HERPUD2: variants seen among roughly 807,000 people sequenced by gnomAD.
The protein encoded by HERPUD2 is HERPUD family member 2.
A neutral mutation model predicts 49.9 loss-of-function variants in HERPUD2; 13 were observed. The ratio of observed to expected loss-of-function variants is 0.26; its 90% CI spans 0.17 to 0.41. The LOEUF is 0.41. HERPUD2 is among the 10% of genes least tolerant of loss of function. The pLI is 1.00. For missense variants in HERPUD2, 449 were observed against 492.2 expected (o/e 0.91, Z 0.83); for synonymous variants, 172 against 171.4 (o/e 1.00, Z -0.03).
rs1453993186 is a variant in HERPUD2, at chr7:35,638,200, T to C, written c.617+150A>G. On this transcript the variant is annotated intron_variant, in intron 6 of 8. Transcript: ENST00000311350. ...AGGAGCCAAGGGCAGGGTTAGTTCATGTGAACTGGAGGTGAACCCTTTTTC... is the reference window on the plus strand; with the variant it reads ...AGGAGCCAAGGGCAGGGTTAGTTCACGTGAACTGGAGGTGAACCCTTTTTC... 4 of 576,486 alleles carry C rather than the reference T, an allele frequency of 6.9e-6. No homozygotes were observed. In the East Asian group the frequency reaches 9.3e-5, roughly 13 times the overall value. 35.7% of individuals were successfully genotyped at this position (576,486 alleles called of 1,614,324 possible).
At chr7:35,648,275 A>G (rs911589429) in intron 5 of HERPUD2, among the ~76,000 whole-genome samples, 1 of 152,228 alleles carries the variant, frequency 6.6e-6, no homozygotes, top group African/African-American at 2.4e-5. Flanking sequence ...GATTATGGTA[A>G]TATTTCACGG....
chr7:35,689,966 G>C (rs17699327), intron 2 of HERPUD2, among the ~76,000 whole-genome samples: 1 of 152,006 alleles, frequency 6.6e-6, no homozygotes, highest in Non-Finnish European at 1.5e-5. Flanking sequence ...AAGTGGACTT[G>C]GATATTCATA....
chr7:35,669,763 A>C lies in HERPUD2; in HGVS notation c.339+452T>G, dbSNP rs534985402. Among the ~76,000 whole-genome samples, 3 of 152,294 alleles carry C rather than the reference A, an allele frequency of 2.0e-5. No homozygotes were observed. In the East Asian group the frequency reaches 5.8e-4, roughly 29 times the overall value. ...GTACACCCAAATCCAGTCATTTTTA[A>C]AAAACAAAATCCTTGACCAAGTCAT... On this transcript the variant is annotated intron_variant, in intron 4 of 8. Coordinates refer to ENST00000311350, the MANE Select transcript of HERPUD2 (RefSeq NM_022373.5).
At chr7:35,638,327 A>G in intron 6 of HERPUD2, 23 bp downstream of exon 6, 1 of 1,564,318 alleles carries the variant, frequency 6.4e-7, no homozygotes, top group Non-Finnish European at 8.7e-7. Flanking sequence ...AGTAACTTAA[A>G]AAATGAACTC....
chr7:35,658,933 A>G (rs1785348552), intron 5 of HERPUD2, among the ~76,000 whole-genome samples: 1 of 152,240 alleles, frequency 6.6e-6, no homozygotes, highest in South Asian at 2.1e-4. Flanking sequence ...GGGTATTGTT[A>G]GATTGGCAGA....
intron 2 of HERPUD2, among the ~76,000 whole-genome samples, chr7:35,686,563 C>T (rs1275234181): frequency 7.0e-6 from 1 of 143,042 alleles, no homozygotes; most frequent in Non-Finnish European, 1.5e-5. Flanking sequence ...ACTAAAAATA[C>T]AAAAAATTAG....
chr7:35,686,644 G>A (rs1249131856), intron 2 of HERPUD2, among the ~76,000 whole-genome samples: 2 of 112,948 alleles, frequency 1.8e-5, no homozygotes, highest in African/African-American at 3.4e-5. Context: ...GCGTGAACCC[G>A]GGAGGCGGAG....
At chr7:35,670,975 C>T (rs1785631426) in intron 3 of HERPUD2, among the ~76,000 whole-genome samples, 1 of 151,506 alleles carries the variant, frequency 6.6e-6, no homozygotes, top group Admixed American at 6.6e-5. Context: ...TATACTTAGA[C>T]ATAAAGCCAG....
chr7:35,643,947 C>T (rs1785007809), intron 5 of HERPUD2, among the ~76,000 whole-genome samples: 1 of 151,304 alleles, frequency 6.6e-6, no homozygotes, highest in Non-Finnish European at 1.5e-5. Flanking sequence ...CTACTAAATA[C>T]AAAAAGAACA....
Position 35,694,817 on chromosome 7 carries a change from G to A in HERPUD2, c.-314C>T, listed in dbSNP as rs1249172898. ...CTGGGGTACCTGAGAGAAGGCCGCG[G>A]GGCCCGCCACCGCCGCCCTCCGCGC... On this transcript the variant is annotated 5_prime_UTR_variant, in exon 1 of 9. Transcript: ENST00000311350. 6.5e-6 allele frequency: 1 copy of A among 152,946 alleles called. No individual in the cohort carries two copies. The highest frequency in any genetic ancestry group is 2.4e-5 in the African/African-American group (1 of 41,482). The allele number at this position is 152,946 out of a possible 1,614,324, so 9.5% of individuals were successfully genotyped here.
chr7:35,649,476 G>A (rs578123948), intron 5 of HERPUD2, among the ~76,000 whole-genome samples: 18 of 152,252 alleles, frequency 1.2e-4, no homozygotes, highest in African/African-American at 2.6e-4. Context: ...AGCCAAATAC[G>A]AGTGACCGAT....
chr7:35,679,513 AAGAC>A (rs138639895), intron 2 of HERPUD2, among the ~76,000 whole-genome samples: 267 of 151,990 alleles, frequency 1.8e-3, no homozygotes, highest in African/African-American at 6.1e-3. Flanking sequence ...TGAAAGGAGA[AAGAC>A]AGACACCGCA....
At chr7:35,662,146 C>A (rs1204042897) in intron 5 of HERPUD2, among the ~76,000 whole-genome samples, 1 of 152,134 alleles carries the variant, frequency 6.6e-6, no homozygotes, top group Non-Finnish European at 1.5e-5. Context: ...TGGTTTCTGT[C>A]TTTAGTTCTG....
intron 5 of HERPUD2, among the ~76,000 whole-genome samples, chr7:35,651,842 A>C (rs1785175590): frequency 6.6e-6 from 1 of 152,240 alleles, no homozygotes; most frequent in South Asian, 2.1e-4. Flanking sequence ...AATTCAGGAT[A>C]CAAATGAGAA....
chr7:35,650,285 C>G (rs1785135951), intron 5 of HERPUD2, among the ~76,000 whole-genome samples: 1 of 151,522 alleles, frequency 6.6e-6, no homozygotes, highest in South Asian at 2.2e-4. Context: ...ACTGGATGGG[C>G]TGGGAGCCTG....
chr7:35,659,511 C>T (rs1291532546), intron 5 of HERPUD2, among the ~76,000 whole-genome samples: 1 of 152,180 alleles, frequency 6.6e-6, no homozygotes, highest in East Asian at 1.9e-4. Context: ...GTACCAGTTA[C>T]TGTTTTAATC....
chr7:35,676,770 T>A (rs114658697), intron 2 of HERPUD2, among the ~76,000 whole-genome samples: 61 of 152,368 alleles, frequency 4.0e-4, no homozygotes, highest in African/African-American at 1.3e-3. Context: ...AAAATCTTTC[T>A]TGCTAATGAC....
rs545542744 is a variant in HERPUD2 at position 35,673,429 on chromosome 7, A to G, written c.148-151T>C. 3.5e-4 allele frequency: 210 copies of G among 593,796 alleles called. 2 individuals are homozygous for G. The South Asian group carries it at 4.6e-3, about 13-fold the overall frequency. 36.8% of individuals were successfully genotyped at this position (593,796 alleles called of 1,614,324 possible). A position where few individuals can be genotyped will look rare whatever the true frequency, so the allele number is the denominator to read the frequency against. On this transcript the variant is annotated intron_variant, in intron 2 of 8. Coordinates refer to ENST00000311350, the MANE Select transcript of HERPUD2 (RefSeq NM_022373.5). The stretch of plus-strand genomic sequence containing the variant: ...CAATTTAAGAATTTTTGTTTTTCCA[A>G]ATTCTACTTAAGAAAAAAACATTTA...
At chr7:35,692,430 A>G (rs1786213873) in intron 2 of HERPUD2, among the ~76,000 whole-genome samples, 1 of 152,262 alleles carries the variant, frequency 6.6e-6, no homozygotes, top group African/African-American at 2.4e-5. Context: ...TGCTATGAAC[A>G]GTATTATGGA....
Sources: gnomAD v4.1 joint callset for allele counts (sites outside exome capture counted in the v4.1 genomes callset) on GRCh38, gnomAD v4.1.1 for gene constraint, MANE v1.5 for transcripts, NCBI Gene and HGNC (gene_info 2026-07-23, HGNC 2026-07-21) for gene names.